The following GATB variants were observed in gnomAD, a reference collection of about 807,000 sequenced individuals.
GATB encodes the protein glutamyl-tRNA amidotransferase subunit B.
A neutral mutation model predicts 62.3 loss-of-function variants in GATB; 39 were observed. The ratio of observed to expected loss-of-function variants is 0.63; its 90% CI spans 0.48 to 0.82. The LOEUF (loss-of-function observed/expected upper bound fraction) is 0.82. Ranked by LOEUF, GATB falls within the 40% of genes least tolerant of loss-of-function variation. The pLI, the probability that GATB is intolerant of heterozygous loss-of-function variation, is 0.00. For missense variants in GATB, 670 were observed against 684.0 expected (o/e 0.98, Z 0.23); for synonymous variants, 276 against 258.9 (o/e 1.07, Z -0.63).
intron 2 of GATB, among the ~76,000 whole-genome samples, chr4:151,752,837 T>C (rs1739746795): frequency 6.6e-6 from 1 of 152,220 alleles, no homozygotes; most frequent in African/African-American, 2.4e-5. Context: ...ATCTATATTT[T>C]AAAGTAAGAT....
chr4:151,703,567 C>T, intron 8 of GATB: 2 of 485,922 alleles, frequency 4.1e-6, no homozygotes, highest in Non-Finnish European at 7.4e-6. Context: ...CAGCCATCCT[C>T]CTAGCTCAAC....
chr4:151,724,904 A>C (rs1486389203), intron 2 of GATB, among the ~76,000 whole-genome samples: 4 of 152,120 alleles, frequency 2.6e-5, no homozygotes, highest in Non-Finnish European at 4.4e-5. Context: ...ATAATTTAAC[A>C]TTTCCTTTAT....
rs184740527 is a variant in GATB at position 151,760,354 on chromosome 4, G to A, written c.176+453C>T. Reference sequence around the variant, plus strand: ...CATAAAACGCCTGCACAGATAGCTAGTGTTTTCTGACTAATGACAATAACC... The same window carrying A: ...CATAAAACGCCTGCACAGATAGCTAATGTTTTCTGACTAATGACAATAACC... On this transcript the variant is annotated intron_variant, in intron 1 of 12. Coordinates refer to ENST00000263985, the MANE Select transcript of GATB (RefSeq NM_004564.3). Among the ~76,000 whole-genome samples the A allele has an allele frequency of 1.4e-3, 217 of 152,298 alleles. 1 individual carries two copies. The highest frequency in any genetic ancestry group is 5.0e-3 in the African/African-American group (206 of 41,562).
chr4:151,725,313 T>C (rs1739116705), intron 2 of GATB, among the ~76,000 whole-genome samples: 1 of 152,262 alleles, frequency 6.6e-6, no homozygotes, highest in Non-Finnish European at 1.5e-5. Flanking sequence ...ATCTGTAGCC[T>C]GCAGGAGCAG....
intron 2 of GATB, among the ~76,000 whole-genome samples, chr4:151,745,135 T>C (rs1739570256): frequency 6.6e-6 from 1 of 152,150 alleles, no homozygotes; most frequent in Non-Finnish European, 1.5e-5. Flanking sequence ...TGGAAAGAAA[T>C]TTCATAGAAA....
At chr4:151,719,187 C>T (rs1436565744) in intron 3 of GATB, among the ~76,000 whole-genome samples, 1 of 152,182 alleles carries the variant, frequency 6.6e-6, no homozygotes, top group Non-Finnish European at 1.5e-5. Flanking sequence ...CAATTATGAG[C>T]GAGCCACCAG....
rs575431218 is a variant in GATB at position 151,732,035 on chromosome 4, G to A, written c.328-12497C>T. Among the ~76,000 whole-genome samples, 7 of 119,268 alleles carry A rather than the reference G, an allele frequency of 5.9e-5. No homozygotes were observed. In the East Asian group the frequency reaches 7.5e-4, roughly 13 times the overall value. 78.2% of individuals were successfully genotyped at this position (119,268 alleles called of 152,430 possible). A position where few individuals can be genotyped will look rare whatever the true frequency, so the allele number is the denominator to read the frequency against. On this transcript the variant is annotated intron_variant, in intron 2 of 12. Coordinates refer to ENST00000263985, the MANE Select transcript of GATB (RefSeq NM_004564.3). The stretch of plus-strand genomic sequence containing the variant: ...GGGGTCAGCCCCCGCCCGGCCAGCC[G>A]CCCCGTCCGGGAGGGAGGTGGGGGG...
At chr4:151,725,029 GA>G (rs1355722526) in intron 2 of GATB, among the ~76,000 whole-genome samples, 1 of 152,192 alleles carries the variant, frequency 6.6e-6, no homozygotes, top group Non-Finnish European at 1.5e-5. Flanking sequence ...CATGAGAGAA[GA>G]GCTGAAACGT....
At position 151,717,008 on chromosome 4, in the gene GATB, A is replaced by T. The variant is rs752789779; in HGVS notation, c.508T>A (p.Cys170Ser). Residue 170 changes from cysteine to serine, a missense_variant, in exon 4 of 13, where the codon TGT becomes AGT. Physicochemically the swap from Cys to Ser is moderately radical, Grantham distance 112. Transcript: ENST00000263985. ...AVNGSLIYGV[C>S]AGKKQSQVIP... ...ACCTGACTCTGCTTCTTCCCTGCACAGACGCCATATATCAAGCTCCCATTC... is the reference window on the plus strand; with the variant it reads ...ACCTGACTCTGCTTCTTCCCTGCACTGACGCCATATATCAAGCTCCCATTC... 1 of 1,614,152 alleles carries T rather than the reference A, an allele frequency of 6.2e-7. No individual in the cohort carries two copies. The highest frequency in any genetic ancestry group is 8.5e-7 in the Non-Finnish European group (1 of 1,180,028).
chr4:151,694,292 C>T (rs1256359857), intron 9 of GATB, among the ~76,000 whole-genome samples: 2 of 152,116 alleles, frequency 1.3e-5, no homozygotes, highest in Non-Finnish European at 2.9e-5. Context: ...TGTGGGTCCC[C>T]AAGGCTGGCA....
chr4:151,709,889 C>T (rs988279868), intron 5 of GATB, among the ~76,000 whole-genome samples: 2 of 152,152 alleles, frequency 1.3e-5, no homozygotes, highest in Admixed American at 6.5e-5. Context: ...TGGATTCAGT[C>T]GACATAACCT....
At chr4:151,708,987 T>C (rs1405913925) in intron 5 of GATB, among the ~76,000 whole-genome samples, 1 of 152,242 alleles carries the variant, frequency 6.6e-6, no homozygotes, top group African/African-American at 2.4e-5. Context: ...TCAGATTCTC[T>C]GTTCCTCGTT....
rs2126977747 is a variant in GATB at position 151,716,803 on chromosome 4, G to A, written c.640+73C>T. 3 of 1,369,906 alleles carry A rather than the reference G, an allele frequency of 2.2e-6. No homozygotes were observed. The East Asian group carries it at 6.9e-5, about 31-fold the overall frequency. 84.9% of individuals were successfully genotyped at this position (1,369,906 alleles called of 1,614,324 possible). ...TCTCAATTTGTTCAAGAAAACTCTA[G>A]CGGTGAAAAGAGGGCCCTGCTATCC... On this transcript the variant is annotated intron_variant, in intron 4 of 12. Coordinates refer to ENST00000263985, the MANE Select transcript of GATB (RefSeq NM_004564.3).
At position 151,671,293 on chromosome 4, in the gene GATB, C is replaced by T. The variant is rs781070010; in HGVS notation, c.1555G>A (p.Val519Met). Reference protein sequence around the residue: ...MEAHPQVVMDVKNRNPRAINK... With the variant: ...MEAHPQVVMDMKNRNPRAINK... ...ATAGCTCTGGGGTTTCTGTTCTTCA[C>T]ATCCATTACCTAGAAGGACAGAAAT... Residue 519 changes from valine to methionine, a missense_variant, in exon 13 of 13, where the codon GTG becomes ATG. Physicochemically the swap from Val to Met is conservative, Grantham distance 21. Transcript: ENST00000263985. 14 of 1,602,720 alleles carry T rather than the reference C, an allele frequency of 8.7e-6. No homozygotes were observed. In the East Asian group the frequency reaches 1.3e-4, roughly 15 times the overall value.
intron 1 of GATB, among the ~76,000 whole-genome samples, chr4:151,759,163 T>C (rs1739899802): frequency 6.6e-6 from 1 of 152,210 alleles, no homozygotes; most frequent in Non-Finnish European, 1.5e-5. Context: ...AGGAGGCTGA[T>C]GATATAAACA....
At chr4:151,739,116 C>T (rs1248710103) in intron 2 of GATB, among the ~76,000 whole-genome samples, 3 of 152,242 alleles carry the variant, frequency 2.0e-5, no homozygotes, top group Non-Finnish European at 4.4e-5. Context: ...TGATTGATTA[C>T]GCTTCTTGCT....
rs1370306435 is a variant in GATB at position 151,730,070 on chromosome 4, T to A, written c.328-10532A>T. 6.6e-6 allele frequency among the ~76,000 whole-genome samples: 1 copy of A among 152,146 alleles called. No homozygotes were observed. The highest frequency in any genetic ancestry group is 1.5e-5 in the Non-Finnish European group (1 of 68,010). ...TTTCAAGCCCCACCTGCCCTCTGCC[T>A]GGAAACAGACTCGGGGTGTGGTGGG... On this transcript the variant is annotated intron_variant, in intron 2 of 12. Coordinates refer to ENST00000263985, the MANE Select transcript of GATB (RefSeq NM_004564.3). This position sits in a 1 kb window ranked among gnomAD's most constrained non-coding sequence, Gnocchi z 4.1.
chr4:151,677,596 C>T (rs1738034758), intron 11 of GATB: 1 of 152,194 alleles, frequency 6.6e-6, no homozygotes, highest in Admixed American at 6.5e-5. Flanking sequence ...CTGCATTATT[C>T]CTAATAGCCA....
intron 2 of GATB, among the ~76,000 whole-genome samples, chr4:151,743,461 A>G (rs1173761022): frequency 6.6e-6 from 1 of 152,258 alleles, no homozygotes; most frequent in Non-Finnish European, 1.5e-5. Context: ...ACATACATCT[A>G]TAAACATATT....
Sources: gnomAD v4.1 joint callset for allele counts (sites outside exome capture counted in the v4.1 genomes callset) on GRCh38, gnomAD v4.1.1 for gene constraint, Gnocchi (gnomAD v3.1) non-coding constraint, MANE v1.5 for transcripts, NCBI Gene and HGNC (gene_info 2026-07-23, HGNC 2026-07-21) for gene names.